Variants in CDKL4 observed in about 807,000 individuals in gnomAD.
The protein encoded by CDKL4 is cyclin dependent kinase like 4.
In CDKL4, 44 loss-of-function variants were observed where a neutral mutation model predicts 42.0. The observed-to-expected ratio is 1.05, with a 90% CI of 0.82 to 1.35. CDKL4 has a LOEUF of 1.35. Among genes scored for constraint, CDKL4 ranks in the 40% most tolerant of loss-of-function variants. CDKL4 has a pLI of 0.00. For synonymous variants in CDKL4, 120 were observed against 121.6 expected (o/e 0.99, Z 0.09); for missense variants, 393 against 369.9 (o/e 1.06, Z -0.51).
intron 9 of CDKL4, 125 bp from the exon 10 acceptor site, chr2:39,176,221 T>C: frequency 3.0e-6 from 1 of 333,368 alleles, no homozygotes; most frequent in Non-Finnish European, 6.0e-6. Context: ...GACATCAATT[T>C]TAAAATTAAG....
intron 8 of CDKL4, among the ~76,000 whole-genome samples, chr2:39,180,805 C>T (rs1284948898): frequency 1.3e-5 from 2 of 151,866 alleles, no homozygotes; most frequent in East Asian, 1.9e-4. Flanking sequence ...ATTCTCATGC[C>T]TCAGCCTCCC....
chr2:39,233,673 T>G (rs1029367787), intron 1 of CDKL4, among the ~76,000 whole-genome samples: 1 of 151,488 alleles, frequency 6.6e-6, no homozygotes, highest in African/African-American at 2.4e-5. Flanking sequence ...ATGCTATTAT[T>G]GTCAGAAAAA....
intron 5 of CDKL4, among the ~76,000 whole-genome samples, chr2:39,204,215 C>T (rs1677028398): frequency 6.6e-6 from 1 of 152,160 alleles, no homozygotes; most frequent in Admixed American, 6.5e-5. Context: ...TACTTTATTG[C>T]CAATCATCTT....
chr2:39,225,971 A>C lies in CDKL4; in HGVS notation c.169-11T>G, dbSNP rs200316561. On this transcript the variant is annotated splice_polypyrimidine_tract_variant and intron_variant, in intron 2 of 9. Coordinates refer to ENST00000451199, the Ensembl canonical transcript of CDKL4. ...TGGATGTTTTAATTGCTGTGAAAGA[A>C]TTGAAATGCAAAGTTAAGTGATCTG... is the stretch of plus-strand genomic sequence containing the variant. 61 of 1,606,284 alleles carry C rather than the reference A, an allele frequency of 3.8e-5. No homozygotes were observed. Among genetic ancestry groups the C allele is most frequent in the Non-Finnish European group, 5.0e-5 (59 of 1,177,346 alleles).
intron 2 of CDKL4, among the ~76,000 whole-genome samples, chr2:39,227,868 A>T (rs971708574): frequency 6.6e-6 from 1 of 152,246 alleles, no homozygotes; most frequent in Non-Finnish European, 1.5e-5. Flanking sequence ...CCAGGAAAAC[A>T]GTAACTTGCC....
At chr2:39,202,395 T>C (rs1047273931) in intron 5 of CDKL4, among the ~76,000 whole-genome samples, 1 of 152,250 alleles carries the variant, frequency 6.6e-6, no homozygotes, top group Admixed American at 6.5e-5. Context: ...AATTAGTTTT[T>C]GTTATTGAGT....
chr2:39,237,206 C>T (rs550318533), intron 1 of CDKL4, among the ~76,000 whole-genome samples: 20 of 152,044 alleles, frequency 1.3e-4, no homozygotes, highest in Non-Finnish European at 2.5e-4. Context: ...GATTATATAC[C>T]GTGACTCTGT....
chr2:39,210,222 C>T (rs931849593), intron 4 of CDKL4, among the ~76,000 whole-genome samples: 6 of 152,174 alleles, frequency 3.9e-5, no homozygotes, highest in African/African-American at 1.4e-4. Flanking sequence ...AACTCCTCAC[C>T]TCAGGCAATC....
intron 4 of CDKL4, among the ~76,000 whole-genome samples, chr2:39,208,689 C>G (rs1238220850): frequency 6.8e-6 from 1 of 148,046 alleles, no homozygotes; most frequent in African/African-American, 2.5e-5. Context: ...GTTGTTGTGG[C>G]TGACGGGCAA....
chr2:39,176,889 T>C (rs1160757834), intron 9 of CDKL4, among the ~76,000 whole-genome samples: 1 of 152,208 alleles, frequency 6.6e-6, no homozygotes, highest in African/African-American at 2.4e-5. Flanking sequence ...TATCTAGGAT[T>C]CAGGTGTGTC....
At chr2:39,225,726 C>G (rs1234349633) in intron 3 of CDKL4, 113 bp downstream of exon 3, 8 of 1,007,844 alleles carry the variant, frequency 7.9e-6, no homozygotes, top group Non-Finnish European at 1.1e-5. Flanking sequence ...TAGCCAGATG[C>G]ATTGTGGTAG....
At chr2:39,180,686 CTTTTTTTT>C (rs1167370938) in intron 8 of CDKL4, among the ~76,000 whole-genome samples, 1 of 121,080 alleles carries the variant, frequency 8.3e-6, no homozygotes, top group African/African-American at 3.4e-5. Flanking sequence ...GAGAGAAAGA[CTTTTTTTT>C]TTTTTTTTTT....
intron 3 of CDKL4, among the ~76,000 whole-genome samples, chr2:39,214,218 C>T (rs575206887): frequency 2.0e-4 from 30 of 152,184 alleles, no homozygotes; most frequent in East Asian, 7.7e-4. Flanking sequence ...ACACTATGCC[C>T]GGCCAGTATT....
chr2:39,228,223 C>T (rs1573020624), intron 2 of CDKL4, among the ~76,000 whole-genome samples: 1 of 152,106 alleles, frequency 6.6e-6, no homozygotes, highest in Non-Finnish European at 1.5e-5. Flanking sequence ...TGGTTCAGAC[C>T]CGCCCTGCAG....
chr2:39,188,671 T>C (rs1675985540), intron 6 of CDKL4, among the ~76,000 whole-genome samples: 1 of 151,026 alleles, frequency 6.6e-6, no homozygotes, highest in African/African-American at 2.4e-5. Flanking sequence ...TGAGACTTCA[T>C]CTCATAATCT....
intron 9 of CDKL4, chr2:39,178,587 A>T: frequency 6.4e-7 from 1 of 1,553,400 alleles, no homozygotes; most frequent in Non-Finnish European, 8.7e-7. Context: ...CAAGTGAAGG[A>T]CAGTCACCTG....
chr2:39,192,967 A>T (rs1189611790), intron 5 of CDKL4, among the ~76,000 whole-genome samples: 1 of 151,732 alleles, frequency 6.6e-6, no homozygotes, highest in Non-Finnish European at 1.5e-5. Context: ...CCCTACAAAA[A>T]AAATAAAAAA....
At chr2:39,172,888 T>C (rs78381305), downstream of CDKL4, among the ~76,000 whole-genome samples, 399 of 152,286 alleles carry the variant, frequency 2.6e-3, 2 homozygotes, top group African/African-American at 9.2e-3. Flanking sequence ...GGCCTGTTTA[T>C]TTTTCTTCAT....
the CDKL4 span, among the ~76,000 whole-genome samples, chr2:39,169,821 C>T: frequency 2.0e-5 from 3 of 152,052 alleles, no homozygotes; most frequent in Admixed American, 2.0e-4. Flanking sequence ...TTTTTTGAGA[C>T]AGGGTCTCAC....
Sources: gnomAD v4.1 joint callset for allele counts (sites outside exome capture counted in the v4.1 genomes callset) on GRCh38, gnomAD v4.1.1 for gene constraint, MANE v1.5 for transcripts, NCBI Gene and HGNC (gene_info 2026-07-23, HGNC 2026-07-21) for gene names.